The following TAPT1 variants were observed in gnomAD, a reference collection of about 807,000 sequenced individuals.
TAPT1 encodes the protein transmembrane anterior posterior transformation protein 1 homolog.
In TAPT1, 28 loss-of-function variants were observed where a neutral mutation model predicts 65.6. The observed-to-expected ratio is 0.43, with a 90% CI of 0.32 to 0.59. The LOEUF is 0.59. TAPT1 is among the 20% of genes least tolerant of loss of function. TAPT1 has a pLI of 0.09. For missense variants in TAPT1, 563 were observed against 679.9 expected (o/e 0.83, Z 1.91); for synonymous variants, 278 against 245.2 (o/e 1.13, Z -1.25).
intron 7 of TAPT1, among the ~76,000 whole-genome samples, chr4:16,185,836 G>A (rs1333175391): frequency 6.6e-6 from 1 of 152,108 alleles, no homozygotes; most frequent in Non-Finnish European, 1.5e-5. Context: ...TCCTTTAGGG[G>A]TCCTCTCTAT....
rs76098919 is a variant in TAPT1, at chr4:16,201,437, T to G, written c.449+1025A>C. 4.9e-3 allele frequency among the ~76,000 whole-genome samples: 748 copies of G among 152,308 alleles called. 3 individuals are homozygous for G. The highest frequency in any genetic ancestry group is 8.1e-3 in the Admixed American group (124 of 15,304). On this transcript the variant is annotated intron_variant, in intron 3 of 13. Coordinates refer to ENST00000405303, the MANE Select transcript of TAPT1 (RefSeq NM_153365.3). ...TGAAGTCTCACAAATTATTGTCCAT[T>G]TTAGCATTTTAGAACTTTTCCAGCA...
intron 1 of TAPT1, among the ~76,000 whole-genome samples, chr4:16,222,526 AC>A (rs1485303353): frequency 6.6e-6 from 1 of 152,220 alleles, no homozygotes; most frequent in African/African-American, 2.4e-5. Flanking sequence ...GTTTGGGGCC[AC>A]TGGGATAACT....
chr4:16,225,804 C>G lies in TAPT1; in HGVS notation c.199+455G>C, dbSNP rs1272253372. On this transcript the variant is annotated intron_variant, in intron 1 of 13. Transcript: ENST00000405303. ...ACACCGTCAGCTGTCTGTGAAAAAT[C>G]TACTTGCAGGGCAAGTTAACAGGTT... is the stretch of plus-strand genomic sequence containing the variant. 8.3e-6 allele frequency: 7 copies of G among 844,706 alleles called. No homozygotes were observed. The East Asian group carries it at 3.7e-4, about 44-fold the overall frequency. The allele number at this position is 844,706 out of a possible 1,614,324, so 52.3% of individuals were successfully genotyped here. A position where few individuals can be genotyped will look rare whatever the true frequency, so the allele number is the denominator to read the frequency against.
chr4:16,204,361 A>G (rs1352312162), intron 2 of TAPT1, among the ~76,000 whole-genome samples: 1 of 152,236 alleles, frequency 6.6e-6, no homozygotes, highest in Admixed American at 6.5e-5. Context: ...TACGAGTGGG[A>G]ACACACTGGG....
At chr4:16,172,287 G>T in intron 11 of TAPT1, among the ~76,000 whole-genome samples, 1 of 150,912 alleles carries the variant, frequency 6.6e-6, no homozygotes, top group Non-Finnish European at 1.5e-5. Context: ...CAAGTTACTA[G>T]ACAAATAAGT....
intron 2 of TAPT1, among the ~76,000 whole-genome samples, chr4:16,203,993 T>TAG (rs1750192092): frequency 6.6e-6 from 1 of 152,186 alleles, no homozygotes. Context: ...TCACGTGTGG[T>TAG]AGATTAGCGT....
intron 1 of TAPT1, among the ~76,000 whole-genome samples, chr4:16,222,912 A>C (rs1170013085): frequency 1.3e-5 from 2 of 152,218 alleles, no homozygotes; most frequent in African/African-American, 4.8e-5. Context: ...ATGTTCACCT[A>C]TACCCGACTT....
At chr4:16,191,334 C>A (rs1410565092) in intron 4 of TAPT1, 27 bp downstream of exon 4, 1 of 1,581,368 alleles carries the variant, frequency 6.3e-7, no homozygotes, top group Non-Finnish European at 8.6e-7. Flanking sequence ...CCTGGCCAGG[C>A]CTGTGCGGGG....
chr4:16,201,391 G>A (rs75127181), intron 3 of TAPT1, among the ~76,000 whole-genome samples: 2,228 of 152,088 alleles, frequency 0.015, 47 homozygotes, highest in African/African-American at 0.051. Context: ...TATACACCAC[G>A]GAACAGTCAC....
chr4:16,226,927 C>T (rs1301969454), upstream of TAPT1: 2 of 391,314 alleles, frequency 5.1e-6, no homozygotes, highest in African/African-American at 2.2e-5. Context: ...CTCAGGGCCT[C>T]TTTTGCAGAC....
chr4:16,208,327 A>G (rs1267776861), intron 2 of TAPT1, among the ~76,000 whole-genome samples: 1 of 152,208 alleles, frequency 6.6e-6, no homozygotes, highest in Admixed American at 6.5e-5. Flanking sequence ...TGGCTAACCC[A>G]ATAACCATTC....
chr4:16,222,753 C>A (rs1035651978), intron 1 of TAPT1, among the ~76,000 whole-genome samples: 2 of 152,128 alleles, frequency 1.3e-5, no homozygotes, highest in African/African-American at 4.8e-5. Flanking sequence ...CAATCTCTAA[C>A]AGAGGTGAAG....
chr4:16,165,492 CCTGGGAGG>C (rs1747545409), intron 13 of TAPT1, among the ~76,000 whole-genome samples: 1 of 151,326 alleles, frequency 6.6e-6, no homozygotes, highest in Non-Finnish European at 1.5e-5. Flanking sequence ...ATGCCGTGAA[CCTGGGAGG>C]CGAAGCTTGC....
chr4:16,206,764 GA>G lies in TAPT1; in HGVS notation c.331-4185del, dbSNP rs556371696. Among the ~76,000 whole-genome samples, 800 of 152,288 alleles carry G rather than the reference GA, an allele frequency of 5.3e-3. 4 individuals are homozygous for G. The highest frequency in any genetic ancestry group is 8.8e-3 in the Admixed American group (135 of 15,296). ...TTAAGACTGTTTCCAAAGCTGAAAT[GA>G]GAGAAATAAGTGATTGATTCACAAA... On this transcript the variant is annotated intron_variant, in intron 2 of 13. Transcript: ENST00000405303.
chr4:16,226,528 T>C (rs1163122049), upstream of TAPT1: 1,437 of 886,458 alleles, frequency 1.6e-3, no homozygotes, highest in Non-Finnish European at 1.9e-3. Flanking sequence ...CCTCCCCGCC[T>C]CGCCCCGCCC....
intron 11 of TAPT1, among the ~76,000 whole-genome samples, chr4:16,172,071 TGGA>T (rs1048612619): frequency 6.6e-6 from 1 of 152,142 alleles, no homozygotes; most frequent in Non-Finnish European, 1.5e-5. Flanking sequence ...CAAAGTGCTA[TGGA>T]AGGAAGCCCA....
chr4:16,178,438 G>A (rs1748488966), intron 8 of TAPT1, among the ~76,000 whole-genome samples: 3 of 152,070 alleles, frequency 2.0e-5, no homozygotes, highest in African/African-American at 7.2e-5. Context: ...TATAATACTG[G>A]GAGTAATAAA....
chr4:16,180,149 T>A (rs953253786), intron 7 of TAPT1, among the ~76,000 whole-genome samples: 2 of 152,184 alleles, frequency 1.3e-5, no homozygotes, highest in Non-Finnish European at 2.9e-5. Flanking sequence ...ATCCTGCTAC[T>A]ACAATAGCAT....
intron 8 of TAPT1, 102 bp from the exon 9 acceptor site, chr4:16,176,330 T>C (rs2149676390): frequency 1.7e-6 from 1 of 594,910 alleles, no homozygotes; most frequent in South Asian, 2.3e-5. Context: ...AAAACTGTAG[T>C]ATTTTCAGTA....
Sources: allele counts gnomAD v4.1 joint callset (sites outside exome capture counted in the v4.1 genomes callset), GRCh38; gene constraint gnomAD v4.1.1; transcripts MANE v1.5; gene names NCBI Gene and HGNC (gene_info 2026-07-23, HGNC 2026-07-21).